The following LRRC7 variants were observed in gnomAD, a reference collection of about 807,000 sequenced individuals.
LRRC7 encodes leucine rich repeat containing 7.
A neutral mutation model predicts 175.7 loss-of-function variants in LRRC7; 23 were observed. The observed-to-expected ratio is 0.13, with a 90% CI of 0.09 to 0.19. The LOEUF (loss-of-function observed/expected upper bound fraction) is 0.19, where lower values mean the gene tolerates loss of function less well. LRRC7 is among the 10% of genes least tolerant of loss of function. The probability of loss-of-function intolerance (pLI) is 1.00; values close to 1 mark genes in which losing one functional copy is unlikely to be tolerated. For missense variants in LRRC7, 1,354 were observed against 1,904.7 expected (o/e 0.71, Z 5.38); for synonymous variants, 685 against 680.9 (o/e 1.01, Z -0.09).
At chr1:69,740,353 C>A (rs944077291) in intron 2 of LRRC7, among the ~76,000 whole-genome samples, 2 of 152,018 alleles carry the variant, frequency 1.3e-5, no homozygotes, top group Non-Finnish European at 2.9e-5. Flanking sequence ...CCCTAGTGTT[C>A]CTTCTTCCTC....
At chr1:69,939,206 A>G (rs775831966) in intron 8 of LRRC7, among the ~76,000 whole-genome samples, 1 of 151,740 alleles carries the variant, frequency 6.6e-6, no homozygotes. Flanking sequence ...AAAGTTTAAT[A>G]GAAAGATGGT....
chr1:70,115,281 C>T (rs1665776699), intron 26 of LRRC7, among the ~76,000 whole-genome samples: 1 of 152,184 alleles, frequency 6.6e-6, no homozygotes, highest in South Asian at 2.1e-4. Context: ...GATGTCCCTG[C>T]AGAAGCATTT....
At chr1:69,854,657 G>A (rs1281583731) in intron 7 of LRRC7, among the ~76,000 whole-genome samples, 1 of 152,128 alleles carries the variant, frequency 6.6e-6, no homozygotes, top group African/African-American at 2.4e-5. Flanking sequence ...GTTATTACTT[G>A]AAAATTATAT....
chr1:69,900,327 A>G (rs1029099209), intron 7 of LRRC7, among the ~76,000 whole-genome samples: 1 of 152,200 alleles, frequency 6.6e-6, no homozygotes, highest in Non-Finnish European at 1.5e-5. Context: ...TTTGGTCCTT[A>G]TCATAAAACC....
intron 1 of LRRC7, among the ~76,000 whole-genome samples, chr1:69,639,033 A>C (rs1653805695): frequency 6.6e-6 from 1 of 151,780 alleles, no homozygotes; most frequent in East Asian, 1.9e-4. Context: ...TTTTAACTCA[A>C]ACTGAAACCC....
Position 70,121,810 on chromosome 1 carries a change from C to T in LRRC7, c.4651C>T (p.His1551Tyr). 1 of 1,611,986 alleles carries T rather than the reference C, an allele frequency of 6.2e-7. No homozygotes were observed. The highest frequency in any genetic ancestry group is 8.5e-7 in the Non-Finnish European group (1 of 1,178,418). The change falls in exon 27 of 27, where the codon CAT becomes TAT. Residue 1551 changes from histidine to tyrosine, a missense_variant. Transcript: ENST00000651989. The stretch of plus-strand genomic sequence containing the variant: ...TGGACACAGTTTTGTACATATGGAA[C>T]ATGAAAAAGCTGTATTACTACTGAA... Reference protein sequence around the residue: ...ANGHSFVHMEHEKAVLLLKSF... With the variant: ...ANGHSFVHMEYEKAVLLLKSF...
chr1:70,003,630 A>C (rs1360751203), intron 11 of LRRC7, among the ~76,000 whole-genome samples: 1 of 152,230 alleles, frequency 6.6e-6, no homozygotes, highest in Non-Finnish European at 1.5e-5. Context: ...TTTCAGTTAA[A>C]GCACAAAACC....
chr1:69,773,350 T>C (rs529949710), intron 3 of LRRC7, among the ~76,000 whole-genome samples: 35 of 152,238 alleles, frequency 2.3e-4, no homozygotes, highest in Non-Finnish European at 4.4e-4. Context: ...GTGCAGATGA[T>C]GATGGTTGGG....
intron 1 of LRRC7, among the ~76,000 whole-genome samples, chr1:69,617,017 G>T (rs1358008356): frequency 6.6e-6 from 1 of 152,064 alleles, no homozygotes; most frequent in African/African-American, 2.4e-5. Context: ...TGTCCTTTGA[G>T]AAGAATTTAA....
At chr1:70,113,112 AAG>A (rs1345398389) in intron 26 of LRRC7, among the ~76,000 whole-genome samples, 1 of 152,174 alleles carries the variant, frequency 6.6e-6, no homozygotes, top group Non-Finnish European at 1.5e-5. Context: ...AGACTCCACA[AAG>A]AGAAGTCTAA....
At chr1:69,737,536 A>T (rs1668256713) in intron 2 of LRRC7, among the ~76,000 whole-genome samples, 1 of 152,058 alleles carries the variant, frequency 6.6e-6, no homozygotes, top group South Asian at 2.1e-4. Flanking sequence ...TAACTATTTG[A>T]TGCTACCCTT....
At chr1:69,943,981 C>CACACACAT (rs1036986701) in intron 8 of LRRC7, among the ~76,000 whole-genome samples, 1 of 133,404 alleles carries the variant, frequency 7.5e-6, no homozygotes, top group African/African-American at 2.5e-5. Context: ...CACACACACA[C>CACACACAT]ACACACAACA....
chr1:70,134,876 A>T lies in LRRC7; in HGVS notation c.*12989A>T, dbSNP rs567052386. 1.3e-5 allele frequency among the ~76,000 whole-genome samples: 2 copies of T among 152,208 alleles called. No individual in the cohort carries two copies. Among genetic ancestry groups the T allele is most frequent in the Non-Finnish European group, 2.9e-5 (2 of 68,036 alleles). ...CAGTGCCACCCATTTTAAAGCAAAT[A>T]CGGCAGGTGTCCACCATTGTTTTGG... is the stretch of plus-strand genomic sequence containing the variant. On this transcript the variant is annotated 3_prime_UTR_variant, in exon 27 of 27. Coordinates refer to ENST00000651989, the MANE Select transcript of LRRC7 (RefSeq NM_001370785.2).
chr1:69,603,149 A>G (rs1316035258), intron 1 of LRRC7, among the ~76,000 whole-genome samples: 5 of 152,040 alleles, frequency 3.3e-5, no homozygotes, highest in African/African-American at 7.2e-5. Context: ...TCTCTCTTAC[A>G]TGGATACTTA....
At chr1:69,983,564 C>T (rs144658407) in intron 9 of LRRC7, among the ~76,000 whole-genome samples, 7 of 152,316 alleles carry the variant, frequency 4.6e-5, no homozygotes, top group Admixed American at 6.5e-5. Flanking sequence ...TCTTCATCCA[C>T]GGTCATAACC....
intron 7 of LRRC7, among the ~76,000 whole-genome samples, chr1:69,928,809 G>T (rs890690314): frequency 6.6e-6 from 1 of 152,102 alleles, no homozygotes; most frequent in African/African-American, 2.4e-5. Context: ...AGTGCGCTGC[G>T]CCCACTGTCC....
At chr1:69,632,558 G>A (rs1652684047) in intron 1 of LRRC7, among the ~76,000 whole-genome samples, 2 of 151,954 alleles carry the variant, frequency 1.3e-5, no homozygotes, top group South Asian at 4.1e-4. Context: ...ACGTCTTTTA[G>A]TACTCCAAAT....
At chr1:69,812,974 A>T (rs72675071) in intron 4 of LRRC7, among the ~76,000 whole-genome samples, 5,918 of 152,156 alleles carry the variant, frequency 0.039, 164 homozygotes, top group Middle Eastern at 0.075. Flanking sequence ...CCTAGCATTA[A>T]CTTAGGTACT....
intron 7 of LRRC7, among the ~76,000 whole-genome samples, chr1:69,929,241 C>T (rs1647191666): frequency 6.6e-6 from 1 of 152,192 alleles, no homozygotes; most frequent in African/African-American, 2.4e-5. Context: ...CTCTATGCTA[C>T]CATGCTCAAA....
Sources: allele counts gnomAD v4.1 joint callset (sites outside exome capture counted in the v4.1 genomes callset), GRCh38; gene constraint gnomAD v4.1.1; transcripts MANE v1.5; gene names NCBI Gene and HGNC (gene_info 2026-07-23, HGNC 2026-07-21).